The following DNAJC11 variants were observed in gnomAD, a reference collection of about 807,000 sequenced individuals.
DNAJC11 encodes the protein dnaJ homolog subfamily C member 11.
A neutral mutation model predicts 78.6 loss-of-function variants in DNAJC11; 15 were observed. The ratio of observed to expected loss-of-function variants is 0.19; its 90% CI spans 0.13 to 0.29. The LOEUF (loss-of-function observed/expected upper bound fraction) is 0.29. DNAJC11 is among the 10% of genes least tolerant of loss of function. The pLI is 1.00. For synonymous variants in DNAJC11, 292 were observed against 272.1 expected (o/e 1.07, Z -0.72); for missense variants, 547 against 709.6 (o/e 0.77, Z 2.60).
chr1:6,701,529 GC>G (rs1379474959), intron 1 of DNAJC11, among the ~76,000 whole-genome samples, 199 bp downstream of exon 1: 1 of 152,104 alleles, frequency 6.6e-6, no homozygotes, highest in East Asian at 1.9e-4. Context: ...GCGGAGGCTG[GC>G]CCCGGAACCC....
chr1:6,659,619 G>A (rs12745724), intron 4 of DNAJC11, among the ~76,000 whole-genome samples: 44,899 of 151,952 alleles, frequency 0.3, 7,209 homozygotes, highest in South Asian at 0.47. Flanking sequence ...AACATGAGCC[G>A]GGCATGGTGG....
intron 4 of DNAJC11, among the ~76,000 whole-genome samples, chr1:6,663,858 G>A (rs985268256): frequency 6.6e-6 from 1 of 152,144 alleles, no homozygotes; most frequent in Admixed American, 6.5e-5. Flanking sequence ...CCCAGAAAGC[G>A]GGCCTCCCAT....
At position 6,652,897 on chromosome 1, in the gene DNAJC11, T is replaced by C; in HGVS notation, c.562A>G (p.Asn188Asp). Residue 188 changes from asparagine to aspartate, a missense_variant, in exon 6 of 16, where the codon AAT becomes GAT. By Grantham distance (23) the Asn-to-Asp change is conservative (BLOSUM62 1). Transcript: ENST00000377577. ...TTAATGGAACCTCCTCCATTTCCAT[T>C]CTGGGTTGAGAGGCTTCCAGAGAGG... ...AILSGSLSTQNGNGGGSINFA... is the reference protein window; with the variant it reads ...AILSGSLSTQDGNGGGSINFA... The C allele has an allele frequency of 6.2e-7, 1 of 1,614,134 alleles. No individual in the cohort carries two copies. Among genetic ancestry groups the C allele is most frequent in the Non-Finnish European group, 8.5e-7 (1 of 1,180,024 alleles).
intron 3 of DNAJC11, among the ~76,000 whole-genome samples, chr1:6,671,338 G>A (rs1358092041): frequency 1.3e-5 from 2 of 152,166 alleles, no homozygotes; most frequent in African/African-American, 2.4e-5. Context: ...CGCCTCCCGG[G>A]TTCACACCAT....
intron 1 of DNAJC11, among the ~76,000 whole-genome samples, chr1:6,697,092 A>T (rs941305663): frequency 6.6e-6 from 1 of 152,218 alleles, no homozygotes. Flanking sequence ...AGATTTTAGG[A>T]ACCAGATGAT....
chr1:6,686,630 C>G (rs895930548), intron 1 of DNAJC11, among the ~76,000 whole-genome samples: 50 of 152,306 alleles, frequency 3.3e-4, no homozygotes, highest in African/African-American at 1.1e-3. Context: ...GAACTAGTCC[C>G]AAGGTCTCAC....
intron 4 of DNAJC11, among the ~76,000 whole-genome samples, chr1:6,666,080 G>A (rs899127305): frequency 6.6e-6 from 1 of 152,238 alleles, no homozygotes; most frequent in Non-Finnish European, 1.5e-5. Context: ...TTGAGGGGGA[G>A]AGTGAGTAGA....
chr1:6,697,463 C>T (rs1176074168), intron 1 of DNAJC11, among the ~76,000 whole-genome samples: 1 of 152,216 alleles, frequency 6.6e-6, no homozygotes, highest in Non-Finnish European at 1.5e-5. Context: ...TAACCTAGAT[C>T]CCTTGCATGT....
At chr1:6,697,874 G>A (rs962782759) in intron 1 of DNAJC11, among the ~76,000 whole-genome samples, 2 of 150,878 alleles carry the variant, frequency 1.3e-5, no homozygotes, top group African/African-American at 2.4e-5. Flanking sequence ...GCGCAATCTC[G>A]GCTCACTGCA....
intron 1 of DNAJC11, among the ~76,000 whole-genome samples, chr1:6,694,790 C>T (rs1485673841): frequency 6.7e-6 from 1 of 150,296 alleles, no homozygotes; most frequent in East Asian, 2.0e-4. Context: ...ACGGTGAAAC[C>T]CCGTCTCTAC....
At position 6,653,764 on chromosome 1, in the gene DNAJC11, C is replaced by T. The variant is rs1373106372; in HGVS notation, c.507+147G>A. On this transcript the variant is annotated intron_variant, in intron 5 of 15. Transcript: ENST00000377577. The surrounding 1 kb of genome is among the most constrained non-coding windows in gnomAD (Gnocchi z 4.5). ...CGGTAACACACGGCTGGGAATGAAGCGCTTTCTTTTTTAAGTGGCTAATTG... is the reference window on the plus strand; with the variant it reads ...CGGTAACACACGGCTGGGAATGAAGTGCTTTCTTTTTTAAGTGGCTAATTG... The T allele has an allele frequency of 7.8e-5, 85 of 1,091,880 alleles. No homozygotes were observed. The highest frequency in any genetic ancestry group is 1.0e-4 in the Non-Finnish European group (77 of 771,556). 67.6% of individuals were successfully genotyped at this position (1,091,880 alleles called of 1,614,324 possible). A position where few individuals can be genotyped will look rare whatever the true frequency, so the allele number is the denominator to read the frequency against.
intron 3 of DNAJC11, 152 bp from the exon 4 acceptor site, chr1:6,667,962 C>T (rs779235348): frequency 8.4e-6 from 6 of 712,328 alleles, no homozygotes; most frequent in African/African-American, 3.5e-5. Context: ...CCATGAGTTC[C>T]ACCATCCGAT....
At position 6,635,355 on chromosome 1, in the gene DNAJC11, C is replaced by A. The variant is rs1020003744; in HGVS notation, c.*320G>T. On this transcript the variant is annotated 3_prime_UTR_variant, in exon 16 of 16. Transcript: ENST00000377577. ...CCAGACCCAGCCAAGAACTACAGGG[C>A]GGCGGGCTGCGGTCAGCACGTGTGC... The A allele has an allele frequency of 1.4e-5, 4 of 279,810 alleles. No homozygotes were observed. In the South Asian group the frequency reaches 2.2e-4, roughly 15 times the overall value. 17.3% of individuals were successfully genotyped at this position (279,810 alleles called of 1,614,324 possible).
At chr1:6,686,745 A>G (rs528767101) in intron 1 of DNAJC11, among the ~76,000 whole-genome samples, 22 of 152,368 alleles carry the variant, frequency 1.4e-4, no homozygotes, top group African/African-American at 4.8e-4. Flanking sequence ...CATGATGATG[A>G]TATTTAATTT....
At chr1:6,698,197 G>A (rs1261141747) in intron 1 of DNAJC11, among the ~76,000 whole-genome samples, 1 of 151,586 alleles carries the variant, frequency 6.6e-6, no homozygotes, top group African/African-American at 2.4e-5. Flanking sequence ...GAGTTTTGAG[G>A]ACACTCTTTT....
At chr1:6,686,500 A>T (rs1248154299) in intron 1 of DNAJC11, among the ~76,000 whole-genome samples, 1 of 152,314 alleles carries the variant, frequency 6.6e-6, no homozygotes, top group African/African-American at 2.4e-5. Context: ...AGGATGACAC[A>T]GCAGTCATCC....
intron 3 of DNAJC11, among the ~76,000 whole-genome samples, chr1:6,669,272 G>A (rs1642339850): frequency 6.6e-6 from 1 of 152,034 alleles, no homozygotes; most frequent in African/African-American, 2.4e-5. Context: ...CACTTTGGGA[G>A]GCCGAGGCGG....
chr1:6,685,165 C>T (rs1181344201), intron 1 of DNAJC11, among the ~76,000 whole-genome samples: 1 of 152,136 alleles, frequency 6.6e-6, no homozygotes, highest in Non-Finnish European at 1.5e-5. Context: ...GAGGCTAAGG[C>T]AAAATAAGCT....
At chr1:6,651,918 C>A (rs1642059809) in intron 6 of DNAJC11, among the ~76,000 whole-genome samples, 1 of 152,096 alleles carries the variant, frequency 6.6e-6, no homozygotes, top group African/African-American at 2.4e-5. Context: ...CTCCCCCTAC[C>A]CCTCCCGGCG....
Sources: allele counts gnomAD v4.1 joint callset (sites outside exome capture counted in the v4.1 genomes callset), GRCh38; gene constraint gnomAD v4.1.1; non-coding constraint Gnocchi (gnomAD v3.1); transcripts MANE v1.5; gene names NCBI Gene and HGNC (gene_info 2026-07-23, HGNC 2026-07-21).